ARHGAP18: variants seen among roughly 807,000 people sequenced by gnomAD.
ARHGAP18 encodes Rho GTPase activating protein 18.
Under a neutral mutation model 86.2 loss-of-function variants are expected in ARHGAP18, and 67 were observed. The observed-to-expected ratio is 0.78, with a 90% CI of 0.64 to 0.95. The LOEUF is 0.95. Among genes scored for constraint, ARHGAP18 ranks in the 40% least tolerant of loss-of-function variants. The pLI is 0.00. For synonymous variants in ARHGAP18, 283 were observed against 280.4 expected (o/e 1.01, Z -0.09); for missense variants, 691 against 780.4 (o/e 0.89, Z 1.37).
At chr6:129,629,235 C>CTG (rs762501427) in intron 5 of ARHGAP18, 118 bp downstream of exon 5, 19 of 733,944 alleles carry the variant, frequency 2.6e-5, no homozygotes, top group South Asian at 1.8e-4. Flanking sequence ...GTCTGTCTGT[C>CTG]TCTCTCTCTC....
At chr6:129,633,572 G>A (rs1298947105) in intron 4 of ARHGAP18, among the ~76,000 whole-genome samples, 1 of 151,842 alleles carries the variant, frequency 6.6e-6, no homozygotes, top group Non-Finnish European at 1.5e-5. Context: ...ATTTTAAAAA[G>A]TTTTCCTACA....
At chr6:129,654,604 G>A (rs961017343) in intron 1 of ARHGAP18, among the ~76,000 whole-genome samples, 2 of 152,216 alleles carry the variant, frequency 1.3e-5, no homozygotes, top group African/African-American at 4.8e-5. Flanking sequence ...AGCGTAAGTA[G>A]TTCATGGCCT....
intron 1 of ARHGAP18, among the ~76,000 whole-genome samples, chr6:129,676,743 G>A (rs891608737): frequency 1.3e-5 from 2 of 151,886 alleles, no homozygotes; most frequent in African/African-American, 4.8e-5. Flanking sequence ...TCCCCAACTA[G>A]TCACTTTACC....
At chr6:129,613,105 T>C (rs1440824636) in intron 7 of ARHGAP18, among the ~76,000 whole-genome samples, 2 of 151,712 alleles carry the variant, frequency 1.3e-5, no homozygotes, top group East Asian at 1.9e-4. Context: ...TGGTGGCAGG[T>C]GCCTGTGATC....
chr6:129,614,887 T>C (rs1263786728), intron 7 of ARHGAP18, among the ~76,000 whole-genome samples: 1 of 152,146 alleles, frequency 6.6e-6, no homozygotes, highest in East Asian at 1.9e-4. Context: ...AGCGGCAATT[T>C]TGCTTCAAGA....
intron 8 of ARHGAP18, among the ~76,000 whole-genome samples, chr6:129,610,234 C>T (rs913329384): frequency 2.0e-5 from 3 of 152,192 alleles, no homozygotes; most frequent in African/African-American, 4.8e-5. Flanking sequence ...AAGTATGAGT[C>T]CCCTTTACAT....
At chr6:129,653,814 A>C (rs974485516) in intron 1 of ARHGAP18, among the ~76,000 whole-genome samples, 1 of 141,230 alleles carries the variant, frequency 7.1e-6, no homozygotes, top group African/African-American at 2.7e-5. Context: ...TTTAACCTTA[A>C]CATTTGAAGA....
intron 1 of ARHGAP18, among the ~76,000 whole-genome samples, chr6:129,653,427 G>T (rs2114511401): frequency 6.6e-6 from 1 of 152,298 alleles, no homozygotes. Context: ...ACATTACAAT[G>T]CTCCACTGGT....
chr6:129,581,691 G>A (rs1419333102), intron 13 of ARHGAP18, among the ~76,000 whole-genome samples: 2 of 152,140 alleles, frequency 1.3e-5, no homozygotes, highest in Non-Finnish European at 2.9e-5. Context: ...ATGAACGTGC[G>A]ATTTATTATA....
At chr6:129,649,569 A>G (rs1342954990) in intron 1 of ARHGAP18, among the ~76,000 whole-genome samples, 1 of 151,434 alleles carries the variant, frequency 6.6e-6, no homozygotes, top group Non-Finnish European at 1.5e-5. Context: ...AAAAAAAAAA[A>G]AAAAAAAAAG....
At chr6:129,656,702 T>C (rs566028544) in intron 1 of ARHGAP18, among the ~76,000 whole-genome samples, 1 of 151,842 alleles carries the variant, frequency 6.6e-6, no homozygotes, top group East Asian at 1.9e-4. Context: ...TAAGAGGAGG[T>C]GAGAAGGGAG....
intron 5 of ARHGAP18, 90 bp downstream of exon 5, chr6:129,629,261 ATG>A: frequency 2.4e-6 from 2 of 835,902 alleles, no homozygotes; most frequent in Non-Finnish European, 3.5e-6. Flanking sequence ...ATATATATAT[ATG>A]TGTGTGTGCG....
intron 5 of ARHGAP18, among the ~76,000 whole-genome samples, chr6:129,627,114 T>G (rs1789493014): frequency 6.6e-6 from 1 of 152,122 alleles, no homozygotes; most frequent in African/African-American, 2.4e-5. Flanking sequence ...ATCCATGAGT[T>G]AAGACTATTT....
chr6:129,639,843 G>A (rs1382494293), intron 2 of ARHGAP18, among the ~76,000 whole-genome samples: 1 of 151,830 alleles, frequency 6.6e-6, no homozygotes, highest in East Asian at 1.9e-4. Flanking sequence ...TCAGGAGTTC[G>A]AGACCAGCCT....
chr6:129,618,900 C>T, intron 5 of ARHGAP18, 48 bp from the exon 6 acceptor site: 5 of 1,510,130 alleles, frequency 3.3e-6, no homozygotes, highest in Non-Finnish European at 4.5e-6. Context: ...TACCTAACCT[C>T]CATTGTAATG....
chr6:129,707,530 G>A (rs62421111), intron 1 of ARHGAP18, among the ~76,000 whole-genome samples: 51,432 of 151,710 alleles, frequency 0.34, 10,062 homozygotes, highest in Non-Finnish European at 0.42. Flanking sequence ...GTGCAGTGGC[G>A]TGATCTCAGC....
chr6:129,617,092 TTTAGAAAA>T (rs1789113828), intron 6 of ARHGAP18, among the ~76,000 whole-genome samples: 2 of 152,336 alleles, frequency 1.3e-5, no homozygotes, highest in South Asian at 2.1e-4. Flanking sequence ...AATGTTTCTC[TTTAGAAAA>T]TAGATACTTG....
At chr6:129,613,029 C>G (rs1005486335) in intron 7 of ARHGAP18, among the ~76,000 whole-genome samples, 9 of 151,818 alleles carry the variant, frequency 5.9e-5, no homozygotes, top group Non-Finnish European at 1.2e-4. Context: ...GTCAGGAGAT[C>G]GAGACCATCC....
At chr6:129,590,793 G>GA (rs1788492851) in intron 12 of ARHGAP18, among the ~76,000 whole-genome samples, 1 of 152,158 alleles carries the variant, frequency 6.6e-6, no homozygotes, top group Non-Finnish European at 1.5e-5. Flanking sequence ...CTACGGCAGG[G>GA]AGAGAGAGTG....
Sources: allele counts gnomAD v4.1 joint callset (sites outside exome capture counted in the v4.1 genomes callset), GRCh38; gene constraint gnomAD v4.1.1; transcripts MANE v1.5; gene names NCBI Gene and HGNC (gene_info 2026-07-23, HGNC 2026-07-21).